The following ADAMTS15 variants were observed in gnomAD, a reference collection of about 807,000 sequenced individuals.
ADAMTS15 encodes the protein A disintegrin and metalloproteinase with thrombospondin motifs 15.
In ADAMTS15, 35 loss-of-function variants were observed where a neutral mutation model predicts 79.1. That is an observed-to-expected ratio of 0.44 (90% CI 0.34 to 0.59). ADAMTS15 has a LOEUF of 0.59. ADAMTS15 is among the 20% of genes least tolerant of loss of function. The probability of loss-of-function intolerance (pLI) is 0.02; values close to 1 mark genes in which losing one functional copy is unlikely to be tolerated. For synonymous variants in ADAMTS15, 616 were observed against 567.3 expected (o/e 1.09, Z -1.22); for missense variants, 1,324 against 1,318.7 (o/e 1.00, Z -0.06).
rs757221690 is a variant in ADAMTS15, at chr11:130,459,025, G to GTT, written c.958-2439_958-2438dup. 7.7e-3 allele frequency among the ~76,000 whole-genome samples: 583 copies of GTT among 75,412 alleles called. 92 individuals are homozygous for GTT. The highest frequency in any genetic ancestry group is 0.018 in the African/African-American group (277 of 15,326). 49.5% of individuals were successfully genotyped at this position (75,412 alleles called of 152,430 possible). ...GTCGGGTGAAGGTCCCCTCCCAAGT[G>GTT]TTTTTTTTTTTTTTTTTTTTTTTTT... On this transcript the variant is annotated intron_variant, in intron 1 of 7. Transcript: ENST00000299164.
intron 4 of ADAMTS15, among the ~76,000 whole-genome samples, chr11:130,465,793 C>T (rs1302148313): frequency 1.3e-5 from 2 of 152,122 alleles, no homozygotes; most frequent in African/African-American, 2.4e-5. Flanking sequence ...CCTCCTCCTC[C>T]TCACGCTGCC....
At chr11:130,455,158 G>A (rs542806499) in intron 1 of ADAMTS15, among the ~76,000 whole-genome samples, 4 of 152,236 alleles carry the variant, frequency 2.6e-5, no homozygotes, top group African/African-American at 4.8e-5. Flanking sequence ...CCTCACTTAC[G>A]GGGCTGTTGC....
At chr11:130,461,036 A>G (rs1938187903) in intron 1 of ADAMTS15, among the ~76,000 whole-genome samples, 1 of 152,182 alleles carries the variant, frequency 6.6e-6, no homozygotes, top group Non-Finnish European at 1.5e-5. Context: ...TGGTTGGCCA[A>G]AAGGCAGCCC....
At chr11:130,463,123 A>G (rs1938236457) in intron 4 of ADAMTS15, among the ~76,000 whole-genome samples, 2 of 152,170 alleles carry the variant, frequency 1.3e-5, no homozygotes, top group African/African-American at 4.8e-5. Flanking sequence ...ACATAGTGTC[A>G]GGAGCGGCTC....
At position 130,448,901 on chromosome 11, in the gene ADAMTS15, C is replaced by A. The variant is rs1937888254; in HGVS notation, c.-73C>A. 1.6e-6 allele frequency: 2 copies of A among 1,240,422 alleles called. No homozygotes were observed. Among genetic ancestry groups the A allele is most frequent in the African/African-American group, 1.6e-5 (1 of 64,414 alleles). 76.8% of individuals were successfully genotyped at this position (1,240,422 alleles called of 1,614,324 possible). Reference sequence around the variant, plus strand: ...TGGCGGTTCCAGAGTGCGGGCTGCACGGAGACCGCGGCAGCGGCCGGAGAG... The same window carrying A: ...TGGCGGTTCCAGAGTGCGGGCTGCAAGGAGACCGCGGCAGCGGCCGGAGAG... On this transcript the variant is annotated 5_prime_UTR_variant, in exon 1 of 8. Coordinates refer to ENST00000299164, the MANE Select transcript of ADAMTS15 (RefSeq NM_139055.4).
intron 1 of ADAMTS15, among the ~76,000 whole-genome samples, chr11:130,458,966 A>G (rs1054184292): frequency 6.8e-6 from 1 of 146,262 alleles, no homozygotes; most frequent in Non-Finnish European, 1.5e-5. Flanking sequence ...ACGCTGATCC[A>G]TGTTTCTCAG....
Position 130,473,591 on chromosome 11 carries a change from G to C in ADAMTS15, c.2623G>C (p.Val875Leu). The C allele has an allele frequency of 6.2e-7, 1 of 1,609,284 alleles. No individual in the cohort carries two copies. The highest frequency in any genetic ancestry group is 1.3e-5 in the African/African-American group (1 of 75,032). ...DCRGSAGQRT[V>L]PACDAAHRPV... ...CCGGGGCTCCGCCGGGCAGCGCACG[G>C]TCCCTGCCTGTGATGCAGCCCATCG... is the stretch of plus-strand genomic sequence containing the variant. The change falls in exon 8 of 8, where the codon GTC becomes CTC. Residue 875 changes from valine to leucine, a missense_variant. Transcript: ENST00000299164.
Position 130,471,194 on chromosome 11 carries a change from C to T in ADAMTS15, c.1903-14C>T. ...CCTGCTCTTCCTTCTTTTTCCCCTT[C>T]TGGGGTGCTGCAGGTGGTGGACGGC... is the stretch of plus-strand genomic sequence containing the variant. On this transcript the variant is annotated splice_polypyrimidine_tract_variant and intron_variant, in intron 6 of 7. Transcript: ENST00000299164. 1 of 1,589,922 alleles carries T rather than the reference C, an allele frequency of 6.3e-7. No homozygotes were observed. The highest frequency in any genetic ancestry group is 8.6e-7 in the Non-Finnish European group (1 of 1,167,216).
chr11:130,460,396 C>G (rs1938174987), intron 1 of ADAMTS15, among the ~76,000 whole-genome samples: 2 of 152,006 alleles, frequency 1.3e-5, no homozygotes, highest in African/African-American at 4.8e-5. Context: ...CCTGCCTCAG[C>G]CTCCCTAGTA....
In ADAMTS15 at chr11:130,462,469, C is replaced by T; in HGVS notation, c.1259-28C>T. 2 of 1,558,292 alleles carry T rather than the reference C, an allele frequency of 1.3e-6. No individual in the cohort carries two copies. Among genetic ancestry groups the T allele is most frequent in the Non-Finnish European group, 1.7e-6 (2 of 1,147,350 alleles). On this transcript the variant is annotated intron_variant, in intron 3 of 7. Coordinates refer to ENST00000299164, the MANE Select transcript of ADAMTS15 (RefSeq NM_139055.4). This position sits in a 1 kb window ranked among gnomAD's most constrained non-coding sequence, Gnocchi z 4.3. The stretch of plus-strand genomic sequence containing the variant: ...GCCAAACCTCATCTTCCCAGCTCAT[C>T]CTAACGAACGCCCTCGGCTCTCTGC...
In ADAMTS15 at chr11:130,470,138, A is replaced by ACG. The variant is rs1204985431; in HGVS notation, c.1720+699_1720+700insCG. On this transcript the variant is annotated intron_variant, in intron 5 of 7. Transcript: ENST00000299164. ...CTGAATCATATATATATATACATAT[A>ACG]TATATATATATATGTGTATATATAT... Among the ~76,000 whole-genome samples, 502 of 66,932 alleles carry ACG rather than the reference A, an allele frequency of 7.5e-3. 50 individuals are homozygous for ACG. The highest frequency in any genetic ancestry group is 0.039 in the African/African-American group (478 of 12,246). The allele number at this position is 66,932 out of a possible 152,430, so 43.9% of individuals were successfully genotyped here.
Position 130,476,587 on chromosome 11 carries a change from G to C in ADAMTS15, c.*2766G>C, listed in dbSNP as rs1411366563. On this transcript the variant is annotated 3_prime_UTR_variant, in exon 8 of 8. Coordinates refer to ENST00000299164, the MANE Select transcript of ADAMTS15 (RefSeq NM_139055.4). ...CTGTGTATACTGTGTATACAAGGGA[G>C]CTGGCTGCTGAGGTGACCACAGCCT... The C allele has an allele frequency of 6.6e-6, 1 of 152,250 alleles. No individual in the cohort carries two copies. Among genetic ancestry groups the C allele is most frequent in the Non-Finnish European group, 1.5e-5 (1 of 68,094 alleles). 9.4% of individuals were successfully genotyped at this position (152,250 alleles called of 1,614,324 possible). A position where few individuals can be genotyped will look rare whatever the true frequency, so the allele number is the denominator to read the frequency against.
chr11:130,462,247 C>G lies in ADAMTS15; in HGVS notation c.1251C>G (p.Ser417Arg), dbSNP rs376439882. The G allele has an allele frequency of 1.2e-6, 2 of 1,612,592 alleles. No homozygotes were observed. The highest frequency in any genetic ancestry group is 1.1e-5 in the South Asian group (1 of 90,916). Residue 417 changes from serine to arginine, a missense_variant, in exon 3 of 8, where the codon AGC (serine) becomes AGG (arginine). Coordinates refer to ENST00000299164, the MANE Select transcript of ADAMTS15 (RefSeq NM_139055.4). This position sits in a 1 kb window ranked among gnomAD's most constrained non-coding sequence, Gnocchi z 4.3. Reference protein sequence around the residue: ...SAAIITDFLDSGHGDCLLDQP... With the variant: ...SAAIITDFLDRGHGDCLLDQP... ...CCATCATCACCGACTTCCTGGACAG[C>G]GGGCACGGTAAGCCAGGACGGCGGG...
chr11:130,470,005 A>G (rs890837020), intron 5 of ADAMTS15, among the ~76,000 whole-genome samples: 1 of 150,634 alleles, frequency 6.6e-6, no homozygotes, highest in Non-Finnish European at 1.5e-5. Flanking sequence ...TTTGTCATCA[A>G]TAGGAACCAT....
intron 5 of ADAMTS15, among the ~76,000 whole-genome samples, chr11:130,470,151 T>A (rs1458439588): frequency 1.8e-5 from 1 of 56,324 alleles, no homozygotes; most frequent in African/African-American, 8.1e-5. Flanking sequence ...TATATATATA[T>A]GTGTATATAT....
chr11:130,470,126 ATATATACATATATATATATATATATG>A (rs1938392138), intron 5 of ADAMTS15, among the ~76,000 whole-genome samples: 1 of 90,240 alleles, frequency 1.1e-5, no homozygotes, highest in Non-Finnish European at 2.1e-5. Flanking sequence ...AATCATATAT[ATATATACATATATATATATATATATG>A]TGTATATATA....
rs767081665 is a variant in ADAMTS15, at chr11:130,473,916, C to G, written c.*95C>G. 70 of 1,428,822 alleles carry G rather than the reference C, an allele frequency of 4.9e-5. No individual in the cohort carries two copies. The highest frequency in any genetic ancestry group is 6.2e-5 in the Non-Finnish European group (67 of 1,082,954). The allele number at this position is 1,428,822 out of a possible 1,614,324, so 88.5% of individuals were successfully genotyped here. A position where few individuals can be genotyped will look rare whatever the true frequency, so the allele number is the denominator to read the frequency against. On this transcript the variant is annotated 3_prime_UTR_variant, in exon 8 of 8. Coordinates refer to ENST00000299164, the MANE Select transcript of ADAMTS15 (RefSeq NM_139055.4). ...GCGGGCAGAGGACGGTGGCCAGGGG[C>G]TCACGCCACGATGTCACCCACATCC...
chr11:130,471,306 G>A lies in ADAMTS15; in HGVS notation c.2001G>A (p.Lys667=). ...AGCDGNLGSK[K]RFDKCGVCGG... is the part of the protein sequence containing the mutation. ...GTGATGGGAACCTGGGCTCCAAGAA[G>A]AGATTCGACAAGTGTGGGGTGTGTG... The change falls in exon 7 of 8, where the codon AAG becomes AAA. Residue 667 remains lysine (K), a synonymous_variant. Transcript: ENST00000299164. The A allele has an allele frequency of 1.2e-6, 2 of 1,613,276 alleles. No individual in the cohort carries two copies. The highest frequency in any genetic ancestry group is 2.2e-5 in the East Asian group (1 of 44,858).
rs538428445 is a variant in ADAMTS15, at chr11:130,473,226, A to T, written c.2258A>T (p.Lys753Met). The T allele has an allele frequency of 2.4e-5, 39 of 1,613,830 alleles. 1 individual carries two copies. In the South Asian group the frequency reaches 3.8e-4, roughly 16 times the overall value. ...GCGGTGGAGCGGGACCTGGTGGTGAAGGGCAGTCTGCTGCGGTACAGCGGC... is the reference window on the plus strand; with the variant it reads ...GCGGTGGAGCGGGACCTGGTGGTGATGGGCAGTCTGCTGCGGTACAGCGGC... ...VSAVERDLVV[K>M]GSLLRYSGTG... The change falls in exon 8 of 8, where the codon AAG becomes ATG. Residue 753 changes from lysine to methionine, a missense_variant. Physicochemically the swap from Lys to Met is moderately conservative, Grantham distance 95. Coordinates refer to ENST00000299164, the MANE Select transcript of ADAMTS15 (RefSeq NM_139055.4).
Sources: allele counts gnomAD v4.1 joint callset (sites outside exome capture counted in the v4.1 genomes callset), GRCh38; gene constraint gnomAD v4.1.1; non-coding constraint Gnocchi (gnomAD v3.1); transcripts MANE v1.5; gene names NCBI Gene and HGNC (gene_info 2026-07-23, HGNC 2026-07-21).